Variants in PSTPIP2 observed in about 807,000 individuals in gnomAD.
PSTPIP2 encodes the protein proline-serine-threonine phosphatase-interacting protein 2.
A neutral mutation model predicts 63.3 loss-of-function variants in PSTPIP2; 33 were observed. That is an observed-to-expected ratio of 0.52 (90% CI 0.40 to 0.70). PSTPIP2 has a LOEUF of 0.70. Among genes scored for constraint, PSTPIP2 ranks in the 30% least tolerant of loss-of-function variants. The pLI, the probability that PSTPIP2 is intolerant of heterozygous loss-of-function variation, is 0.00. For missense variants in PSTPIP2, 312 were observed against 400.7 expected (o/e 0.78, Z 1.89); for synonymous variants, 125 against 132.7 (o/e 0.94, Z 0.40).
intron 5 of PSTPIP2, among the ~76,000 whole-genome samples, chr18:46,008,484 G>A (rs939794783): frequency 2.7e-5 from 4 of 148,350 alleles, no homozygotes; most frequent in African/African-American, 1.0e-4. Flanking sequence ...GCTAATTTTC[G>A]TATTTTTAGT....
At chr18:45,991,863 A>T in intron 12 of PSTPIP2, 39 bp downstream of exon 12, 1 of 1,511,828 alleles carries the variant, frequency 6.6e-7, no homozygotes, top group Non-Finnish European at 9.1e-7. Flanking sequence ...ATGTTTGTTA[A>T]AAGTATTTTT....
intron 1 of PSTPIP2, among the ~76,000 whole-genome samples, chr18:46,061,621 T>C (rs1402279874): frequency 1.3e-5 from 2 of 152,182 alleles, no homozygotes; most frequent in Non-Finnish European, 2.9e-5. Context: ...GGCCCTAACA[T>C]AGGACAGGTA....
intron 1 of PSTPIP2, among the ~76,000 whole-genome samples, chr18:46,049,406 C>A (rs2144120716): frequency 6.6e-6 from 1 of 151,928 alleles, no homozygotes; most frequent in Non-Finnish European, 1.5e-5. Flanking sequence ...AACAAACCCC[C>A]ATGACACAAG....
chr18:46,038,020 C>T (rs183294797), intron 2 of PSTPIP2, among the ~76,000 whole-genome samples: 55 of 152,222 alleles, frequency 3.6e-4, no homozygotes, highest in Non-Finnish European at 5.9e-5. Context: ...CTGTGGGTCA[C>T]GACCCATTTG....
At chr18:46,037,140 TTTTG>T (rs796614333) in intron 2 of PSTPIP2, among the ~76,000 whole-genome samples, 21 of 152,208 alleles carry the variant, frequency 1.4e-4, no homozygotes, top group African/African-American at 5.1e-4. Context: ...TACATGTAAT[TTTTG>T]TTTGTTTGTT....
chr18:46,071,986 G>C (rs949061410), intron 1 of PSTPIP2, among the ~76,000 whole-genome samples, 170 bp downstream of exon 1: 1 of 152,174 alleles, frequency 6.6e-6, no homozygotes, highest in Non-Finnish European at 1.5e-5. Context: ...TCTGCCCCTC[G>C]AGCAGTGGGG....
intron 2 of PSTPIP2, among the ~76,000 whole-genome samples, chr18:46,026,876 C>G (rs1018146364): frequency 1.3e-5 from 2 of 152,102 alleles, no homozygotes; most frequent in African/African-American, 4.8e-5. Context: ...AACAAACAAC[C>G]CAAAATTCCA....
intron 1 of PSTPIP2, among the ~76,000 whole-genome samples, chr18:46,068,610 T>C (rs1161741099): frequency 6.6e-6 from 1 of 151,546 alleles, no homozygotes; most frequent in Non-Finnish European, 1.5e-5. Flanking sequence ...CTTACACCTC[T>C]TATCCCAGCA....
intron 3 of PSTPIP2, among the ~76,000 whole-genome samples, chr18:46,019,916 A>G (rs1400990841): frequency 6.6e-6 from 1 of 152,204 alleles, no homozygotes; most frequent in Non-Finnish European, 1.5e-5. Flanking sequence ...AATAGGAAAA[A>G]AAGACGGGTA....
At chr18:46,019,566 C>T (rs1290147769) in intron 3 of PSTPIP2, among the ~76,000 whole-genome samples, 3 of 152,088 alleles carry the variant, frequency 2.0e-5, no homozygotes, top group Non-Finnish European at 4.4e-5. Context: ...GTTGCGAGGC[C>T]AAGGCGGGAG....
intron 2 of PSTPIP2, among the ~76,000 whole-genome samples, chr18:46,028,028 G>T (rs534458596): frequency 6.6e-6 from 1 of 152,168 alleles, no homozygotes; most frequent in African/African-American, 2.4e-5. Context: ...AGGAGTGGTG[G>T]CGCGTGCCTG....
chr18:46,023,867 T>C (rs1057223764), intron 3 of PSTPIP2, among the ~76,000 whole-genome samples: 1 of 151,416 alleles, frequency 6.6e-6, no homozygotes, highest in Non-Finnish European at 1.5e-5. Context: ...CACACACATA[T>C]ACACACACAG....
intron 1 of PSTPIP2, among the ~76,000 whole-genome samples, chr18:46,059,088 G>A (rs914515513): frequency 2.0e-5 from 3 of 150,136 alleles, no homozygotes; most frequent in African/African-American, 7.4e-5. Flanking sequence ...CCAGGCTGGA[G>A]TGCAATGGTG....
chr18:46,072,093 C>G (rs1203796586), intron 1 of PSTPIP2, 63 bp downstream of exon 1: 2 of 1,506,826 alleles, frequency 1.3e-6, no homozygotes, highest in African/African-American at 1.5e-5. Context: ...ACGCCCGCCG[C>G]GTTGGCCTCC....
chr18:46,067,747 T>C (rs75351321), intron 1 of PSTPIP2, among the ~76,000 whole-genome samples: 1 of 152,188 alleles, frequency 6.6e-6, no homozygotes, highest in Non-Finnish European at 1.5e-5. Context: ...ACCTCTTTTT[T>C]CTGTAAGTAT....
chr18:46,043,021 T>C (rs1908246580), intron 1 of PSTPIP2, among the ~76,000 whole-genome samples: 1 of 151,968 alleles, frequency 6.6e-6, no homozygotes, highest in Non-Finnish European at 1.5e-5. Context: ...GTGGTTTTGG[T>C]TTGTGTTTCC....
intron 2 of PSTPIP2, 35 bp downstream of exon 2, chr18:46,039,912 C>T: frequency 6.4e-7 from 1 of 1,555,720 alleles, no homozygotes; most frequent in Non-Finnish European, 8.9e-7. Flanking sequence ...ACATCTTGGC[C>T]CACCCTCTTC....
intron 1 of PSTPIP2, among the ~76,000 whole-genome samples, chr18:46,066,275 C>T (rs924106728): frequency 2.6e-5 from 4 of 152,062 alleles, no homozygotes; most frequent in East Asian, 1.9e-4. Flanking sequence ...TGCAGTGAGC[C>T]GTGATCGCAC....
At chr18:46,004,918 A>T (rs62095420) in intron 6 of PSTPIP2, among the ~76,000 whole-genome samples, 53 of 152,238 alleles carry the variant, frequency 3.5e-4, no homozygotes, top group Non-Finnish European at 6.0e-4. Context: ...GTGAATGTTC[A>T]TTGCAGCACT....
Sources: allele counts gnomAD v4.1 joint callset (sites outside exome capture counted in the v4.1 genomes callset), GRCh38; gene constraint gnomAD v4.1.1; transcripts MANE v1.5; gene names NCBI Gene and HGNC (gene_info 2026-07-23, HGNC 2026-07-21).